Variants in EFNA5 observed in about 807,000 individuals in gnomAD.
EFNA5 encodes ephrin-A5.
EFNA5 carries 5 observed loss-of-function variants against 22.9 expected under a neutral mutation model. The ratio of observed to expected loss-of-function variants is 0.22; its 90% CI spans 0.11 to 0.46. The LOEUF (loss-of-function observed/expected upper bound fraction) is 0.46. Among genes scored for constraint, EFNA5 ranks in the 20% least tolerant of loss-of-function variants. The pLI is 0.99. For synonymous variants in EFNA5, 113 were observed against 112.2 expected, an observed-to-expected ratio of 1.01 and a Z score of -0.04; for missense variants, 237 against 293.3, an observed-to-expected ratio of 0.81 and a Z score of 1.40.
At chr5:107,596,328 G>C (rs1052915982) in intron 1 of EFNA5, among the ~76,000 whole-genome samples, 1 of 152,068 alleles carries the variant, frequency 6.6e-6, no homozygotes, top group African/African-American at 2.4e-5. Flanking sequence ...TATTTCCAGA[G>C]CTTGACTACT....
chr5:107,492,079 C>T (rs1056367416), intron 1 of EFNA5, among the ~76,000 whole-genome samples: 1 of 152,144 alleles, frequency 6.6e-6, no homozygotes, highest in African/African-American at 2.4e-5. Flanking sequence ...AAGTAATCTG[C>T]TCACCTCTGC....
chr5:107,455,850 A>G (rs1409840609), intron 1 of EFNA5, among the ~76,000 whole-genome samples: 2 of 152,116 alleles, frequency 1.3e-5, no homozygotes, highest in Non-Finnish European at 1.5e-5. Flanking sequence ...GAACTATAAA[A>G]CTAACACTTT....
At chr5:107,601,166 T>C (rs1749584985) in intron 1 of EFNA5, among the ~76,000 whole-genome samples, 1 of 152,202 alleles carries the variant, frequency 6.6e-6, no homozygotes, top group African/African-American at 2.4e-5. Flanking sequence ...ATTCATAACA[T>C]ATTATTACTA....
chr5:107,567,183 CATTCCA>C (rs1748680607), intron 1 of EFNA5, among the ~76,000 whole-genome samples: 1 of 152,110 alleles, frequency 6.6e-6, no homozygotes, highest in African/African-American at 2.4e-5. Context: ...GGACTCTGGT[CATTCCA>C]TGATGTCACT....
intron 2 of EFNA5, among the ~76,000 whole-genome samples, chr5:107,419,520 A>T (rs1444050572): frequency 6.6e-6 from 1 of 152,184 alleles, no homozygotes; most frequent in Non-Finnish European, 1.5e-5. Context: ...ACAAAGAAAA[A>T]CTAAATAGTT....
chr5:107,592,474 T>C (rs1229986801), intron 1 of EFNA5, among the ~76,000 whole-genome samples: 3 of 152,126 alleles, frequency 2.0e-5, no homozygotes, highest in South Asian at 4.1e-4. Context: ...AGTCTATGAA[T>C]ACTCTCATGT....
rs1226617419 is a variant in EFNA5 at position 107,603,712 on chromosome 5, A to T, written c.125+66777T>A. Among the ~76,000 whole-genome samples, 3 of 152,376 alleles carry T rather than the reference A, an allele frequency of 2.0e-5. No individual in the cohort carries two copies. The East Asian group carries it at 5.8e-4, about 29-fold the overall frequency. On this transcript the variant is annotated intron_variant, in intron 1 of 4. Transcript: ENST00000333274. ...AATGTTAGAAGTGGAAACAAGCTAC[A>T]GACACCACTCTCGTCTGTCCTGACA...
intron 1 of EFNA5, among the ~76,000 whole-genome samples, chr5:107,589,104 G>A (rs191799576): frequency 2.6e-5 from 4 of 152,330 alleles, no homozygotes; most frequent in Admixed American, 2.6e-4. Context: ...CATTTCAAGT[G>A]GCTGCAAATT....
intron 1 of EFNA5, among the ~76,000 whole-genome samples, chr5:107,665,578 C>T (rs1751049270): frequency 6.6e-6 from 1 of 152,220 alleles, no homozygotes; most frequent in Admixed American, 6.5e-5. Context: ...TAGTAGTTTA[C>T]TGACCTTGGT....
chr5:107,458,444 C>T (rs1179404020), intron 1 of EFNA5, among the ~76,000 whole-genome samples: 1 of 151,644 alleles, frequency 6.6e-6, no homozygotes, highest in Non-Finnish European at 1.5e-5. Context: ...AAAGGCTTAC[C>T]CGAGTCAAAG....
intron 1 of EFNA5, among the ~76,000 whole-genome samples, chr5:107,508,728 A>G (rs1343348113): frequency 6.6e-6 from 1 of 152,228 alleles, no homozygotes; most frequent in Non-Finnish European, 1.5e-5. Context: ...CTAAACAGCT[A>G]GTAATACAAG....
At chr5:107,551,638 C>G (rs17413725) in intron 1 of EFNA5, among the ~76,000 whole-genome samples, 5,146 of 152,190 alleles carry the variant, frequency 0.034, 134 homozygotes, top group Non-Finnish European at 0.051. Flanking sequence ...TAGCAACTCC[C>G]TGCCGATCTC....
At chr5:107,382,768 C>A (rs1475537665) in intron 4 of EFNA5, among the ~76,000 whole-genome samples, 2 of 152,164 alleles carry the variant, frequency 1.3e-5, no homozygotes, top group African/African-American at 2.4e-5. Flanking sequence ...TAACTTCCTG[C>A]AGGTGTTCAG....
chr5:107,660,753 C>G (rs1470665025), intron 1 of EFNA5, among the ~76,000 whole-genome samples: 2 of 152,112 alleles, frequency 1.3e-5, no homozygotes. Flanking sequence ...AGATCTATCA[C>G]TGAGGTCCCT....
At chr5:107,425,329 A>C (rs1748783112) in intron 2 of EFNA5, among the ~76,000 whole-genome samples, 1 of 151,998 alleles carries the variant, frequency 6.6e-6, no homozygotes, top group African/African-American at 2.4e-5. Flanking sequence ...TTCATTTTTG[A>C]TTTTTGCTTT....
At chr5:107,488,875 G>A (rs988486738) in intron 1 of EFNA5, among the ~76,000 whole-genome samples, 4 of 151,658 alleles carry the variant, frequency 2.6e-5, no homozygotes, top group African/African-American at 9.7e-5. Flanking sequence ...GTATTTTTTA[G>A]TAGAGATGGG....
intron 2 of EFNA5, among the ~76,000 whole-genome samples, chr5:107,418,728 C>T (rs951664477): frequency 3.3e-5 from 5 of 152,242 alleles, no homozygotes; most frequent in East Asian, 3.9e-4. Context: ...GGCTTTATAC[C>T]GTGAATTTCC....
chr5:107,518,142 A>G (rs182398433), intron 1 of EFNA5, among the ~76,000 whole-genome samples: 105 of 152,284 alleles, frequency 6.9e-4, no homozygotes, highest in African/African-American at 2.3e-3. Flanking sequence ...TCTAAAAAGG[A>G]AAGACTATGT....
chr5:107,382,579 C>T (rs561864066), intron 4 of EFNA5, among the ~76,000 whole-genome samples: 2 of 152,172 alleles, frequency 1.3e-5, no homozygotes, highest in East Asian at 3.9e-4. Context: ...TCCTTTGCTT[C>T]CCAGGCTAGT....
Sources: gnomAD v4.1 joint callset for allele counts (sites outside exome capture counted in the v4.1 genomes callset) on GRCh38, gnomAD v4.1.1 for gene constraint, MANE v1.5 for transcripts, NCBI Gene and HGNC (gene_info 2026-07-23, HGNC 2026-07-21) for gene names.